Variants in FANCC observed in about 807,000 individuals in gnomAD.
FANCC encodes the protein FA complementation group C.
Under a neutral mutation model 71.3 loss-of-function variants are expected in FANCC, and 55 were observed. That is an observed-to-expected ratio of 0.77 (90% CI 0.62 to 0.97). The LOEUF is 0.97. Ranked by LOEUF, FANCC falls within the 50% of genes least tolerant of loss-of-function variation. The pLI, the probability that FANCC is intolerant of heterozygous loss-of-function variation, is 0.00. For missense variants in FANCC, 678 were observed against 670.9 expected, an observed-to-expected ratio of 1.01 and a Z score of -0.12; for synonymous variants, 275 against 244.9, an observed-to-expected ratio of 1.12 and a Z score of -1.15.
At chr9:95,298,369 GT>G in intron 1 of FANCC, among the ~76,000 whole-genome samples, 1 of 152,206 alleles carries the variant, frequency 6.6e-6, no homozygotes, top group East Asian at 1.9e-4. Flanking sequence ...TTAGGGCATG[GT>G]GAGTACAAGA....
chr9:95,245,756 G>A (rs1830926856), intron 3 of FANCC, among the ~76,000 whole-genome samples: 1 of 151,780 alleles, frequency 6.6e-6, no homozygotes, highest in Non-Finnish European at 1.5e-5. Context: ...AATCAGCTGG[G>A]TGTGGTGGCA....
intron 10 of FANCC, among the ~76,000 whole-genome samples, chr9:95,119,365 CT>C (rs34433881): frequency 0.91 from 128,169 of 141,310 alleles, 58,082 homozygotes; most frequent in Middle Eastern, 0.97. Context: ...TCTTCCTTTT[CT>C]TTTTTTTTTT....
intron 13 of FANCC, chr9:95,110,817 G>A (rs1808325889): frequency 1.7e-6 from 2 of 1,147,370 alleles, no homozygotes; most frequent in Admixed American, 8.6e-5. Context: ...TTTAATCAAA[G>A]CATTGCTTCC....
intron 1 of FANCC, among the ~76,000 whole-genome samples, chr9:95,277,533 T>C (rs896736053): frequency 6.6e-6 from 1 of 152,066 alleles, no homozygotes; most frequent in African/African-American, 2.4e-5. Flanking sequence ...AAGAAACATA[T>C]AAACTCCCCA....
At chr9:95,182,231 AAG>A in intron 4 of FANCC, among the ~76,000 whole-genome samples, 1 of 152,154 alleles carries the variant, frequency 6.6e-6, no homozygotes, top group Admixed American at 6.5e-5. Flanking sequence ...AAAAAAAAAA[AAG>A]GTGTTGGCCA....
intron 4 of FANCC, among the ~76,000 whole-genome samples, chr9:95,218,435 G>C (rs190917601): frequency 9.9e-5 from 15 of 152,276 alleles, no homozygotes; most frequent in Non-Finnish European, 1.5e-5. Flanking sequence ...CTGCACTCCA[G>C]CCTGCGCAAC....
At chr9:95,247,324 G>C (rs1831047719) in intron 3 of FANCC, 108 bp downstream of exon 3, 6 of 794,532 alleles carry the variant, frequency 7.6e-6, no homozygotes, top group Non-Finnish European at 1.3e-5. Context: ...TTGATAAGTT[G>C]TTCCATTAAA....
intron 4 of FANCC, among the ~76,000 whole-genome samples, chr9:95,222,978 C>T (rs1829376208): frequency 6.6e-6 from 1 of 152,072 alleles, no homozygotes; most frequent in African/African-American, 2.4e-5. Flanking sequence ...TTCACCAATG[C>T]CTAGATATTT....
chr9:95,130,299 T>TGAGAGAGA (rs3030652), intron 8 of FANCC, among the ~76,000 whole-genome samples: 3 of 149,192 alleles, frequency 2.0e-5, no homozygotes, highest in African/African-American at 4.9e-5. Context: ...TGTGTGTGTG[T>TGAGAGAGA]GAGAGAGAGA....
chr9:95,153,845 C>T (rs1421741475), intron 6 of FANCC, among the ~76,000 whole-genome samples: 1 of 152,152 alleles, frequency 6.6e-6, no homozygotes, highest in Non-Finnish European at 1.5e-5. Context: ...TTTGAAAGGG[C>T]ATTCCTATCC....
At chr9:95,252,187 G>C (rs972819600) in intron 1 of FANCC, among the ~76,000 whole-genome samples, 1 of 142,884 alleles carries the variant, frequency 7.0e-6, no homozygotes, top group Non-Finnish European at 1.5e-5. Context: ...GCAGAGGCAG[G>C]AGAATCACTT....
intron 6 of FANCC, among the ~76,000 whole-genome samples, chr9:95,169,682 A>G (rs1391340246): frequency 1.3e-5 from 2 of 152,200 alleles, no homozygotes; most frequent in East Asian, 3.8e-4. Flanking sequence ...TGGCTATTCT[A>G]GACTTTGAGC....
Position 95,124,188 on chromosome 9 carries a change from G to A in FANCC, c.996+898C>T, listed in dbSNP as rs1825599141. ...TTGACGTTGGCGGGGGGTGTGATCTGGTGGAGCCAAGCATTGTAGTTCTCC... is the reference window on the plus strand; with the variant it reads ...TTGACGTTGGCGGGGGGTGTGATCTAGTGGAGCCAAGCATTGTAGTTCTCC... On this transcript the variant is annotated intron_variant, in intron 10 of 14. Transcript: ENST00000289081. 2.0e-5 allele frequency among the ~76,000 whole-genome samples: 3 copies of A among 151,430 alleles called. No individual in the cohort carries two copies. In the South Asian group the frequency reaches 6.3e-4, roughly 32 times the overall value.
intron 13 of FANCC, among the ~76,000 whole-genome samples, chr9:95,108,670 T>C (rs1012552583): frequency 6.6e-6 from 1 of 152,240 alleles, no homozygotes; most frequent in African/African-American, 2.4e-5. Flanking sequence ...TATAAAGACA[T>C]ATATGCTTAC....
intron 4 of FANCC, chr9:95,186,622 G>A (rs767268059): frequency 3.9e-5 from 6 of 152,218 alleles, no homozygotes; most frequent in Non-Finnish European, 7.3e-5. Context: ...GCAAGTCACA[G>A]AGTAAGAGTC....
intron 8 of FANCC, among the ~76,000 whole-genome samples, chr9:95,133,153 C>G (rs1230821263): frequency 1.3e-5 from 2 of 152,242 alleles, no homozygotes; most frequent in Non-Finnish European, 2.9e-5. Context: ...GCAGGCTCTT[C>G]AGGTTACCCC....
chr9:95,187,521 G>A (rs1385593987), intron 4 of FANCC, among the ~76,000 whole-genome samples: 18 of 152,326 alleles, frequency 1.2e-4, no homozygotes, highest in Non-Finnish European at 2.1e-4. Context: ...GTCATGTACA[G>A]AGACCTCAAT....
At chr9:95,142,026 C>T (rs1554836578) in intron 7 of FANCC, among the ~76,000 whole-genome samples, 30 of 90,446 alleles carry the variant, frequency 3.3e-4, no homozygotes, top group Admixed American at 1.9e-4. Context: ...GAGTTTTGCT[C>T]TTGTCGCCCA....
chr9:95,215,827 C>T (rs1407524533), intron 4 of FANCC, among the ~76,000 whole-genome samples: 1 of 152,152 alleles, frequency 6.6e-6, no homozygotes, highest in African/African-American at 2.4e-5. Flanking sequence ...GACTCCAGCC[C>T]CAGATGCTGA....
Sources: allele counts gnomAD v4.1 joint callset (sites outside exome capture counted in the v4.1 genomes callset), GRCh38; gene constraint gnomAD v4.1.1; transcripts MANE v1.5; gene names NCBI Gene and HGNC (gene_info 2026-07-23, HGNC 2026-07-21).